PLAGL1: variants seen among roughly 807,000 people sequenced by gnomAD.
PLAGL1 encodes PLAG1 like zinc finger 1.
PLAGL1 carries 1 observed loss-of-function variant against 4.6 expected under a neutral mutation model. That is an observed-to-expected ratio of 0.22 (90% CI 0.08 to 1.03). The LOEUF (loss-of-function observed/expected upper bound fraction) is 1.03. Among genes scored for constraint, PLAGL1 ranks in the 50% least tolerant of loss-of-function variants. The pLI is 0.58. For synonymous variants in PLAGL1, 240 were observed against 237.8 expected (o/e 1.01, Z -0.08); for missense variants, 464 against 570.4 (o/e 0.81, Z 1.90).
Position 143,953,254 on chromosome 6 carries a change from G to A in PLAGL1, c.-324-4794C>T, listed in dbSNP as rs1781436063. On this transcript the variant is annotated intron_variant, in intron 6 of 7. Coordinates refer to ENST00000674357, the MANE Select transcript of PLAGL1 (RefSeq NM_001317162.2). The surrounding 1 kb of genome is among the most constrained non-coding windows in gnomAD (Gnocchi z 5.3). ...TTCACTCTAGTTTATCCTCATTGTA[G>A]GAAGCACTACCTGCCCTTCTATTCT... Among the ~76,000 whole-genome samples the A allele has an allele frequency of 6.6e-6, 1 of 152,208 alleles. No homozygotes were observed. Among genetic ancestry groups the A allele is most frequent in the Non-Finnish European group, 1.5e-5 (1 of 68,038 alleles).
In PLAGL1 at chr6:144,016,267, G is replaced by A. The variant is rs566599896; in HGVS notation, c.-150-47289C>T. Among the ~76,000 whole-genome samples the A allele has an allele frequency of 1.6e-3, 250 of 152,294 alleles. 2 individuals carry two copies. Among genetic ancestry groups the A allele is most frequent in the African/African-American group, 5.7e-3 (238 of 41,572 alleles). ...ACTTGGAGTCTGATGTTAGAGGGCA[G>A]GAAGCATCCAGCATGGGAGAAAGAT... On this transcript the variant is annotated intron_variant, in intron 1 of 3. Coordinates refer to the PLAGL1 transcript ENST00000437412. This position sits in a 1 kb window ranked among gnomAD's most constrained non-coding sequence, Gnocchi z 4.2.
chr6:144,000,799 T>G lies in PLAGL1; in HGVS notation c.-584+7291A>C, dbSNP rs1415130391. 1.3e-5 allele frequency among the ~76,000 whole-genome samples: 2 copies of G among 152,144 alleles called. No individual in the cohort carries two copies. The highest frequency in any genetic ancestry group is 2.9e-5 in the Non-Finnish European group (2 of 67,984). On this transcript the variant is annotated intron_variant, in intron 1 of 7. Transcript: ENST00000674357. This position sits in a 1 kb window ranked among gnomAD's most constrained non-coding sequence, Gnocchi z 4.1. ...AGGAAATATGGAGAGCTAGACATTC[T>G]AAAACAAACCTTTTAATACTTGCAA...
rs562943504 is a variant in PLAGL1, at chr6:144,059,137, C to T, written c.-151+5331G>A. Among the ~76,000 whole-genome samples the T allele has an allele frequency of 7.9e-5, 12 of 152,378 alleles. No individual in the cohort carries two copies. In the South Asian group the frequency reaches 2.5e-3, roughly 32 times the overall value. ...ATGTCATTGGAAATATAGGTGGAAG[C>T]TGCCAAGCCTCCTTCATTCCTGCAT... On this transcript the variant is annotated intron_variant, in intron 1 of 3. Transcript: ENST00000437412. This position sits in a 1 kb window ranked among gnomAD's most constrained non-coding sequence, Gnocchi z 4.9.
In PLAGL1 at chr6:143,948,141, T is replaced by C. The variant is rs765374630; in HGVS notation, c.-5A>G. ...CTGGCAGGGGAACGTGGCCATGGGC[T>C]TTGCTTCTCACACCTTCCTTTTCAG... On this transcript the variant is annotated 5_prime_UTR_variant, in exon 7 of 8. Coordinates refer to ENST00000674357, the MANE Select transcript of PLAGL1 (RefSeq NM_001317162.2). The surrounding 1 kb of genome is among the most constrained non-coding windows in gnomAD (Gnocchi z 6.0). 4 of 1,612,620 alleles carry C rather than the reference T, an allele frequency of 2.5e-6. No homozygotes were observed. The East Asian group carries it at 8.9e-5, about 36-fold the overall frequency.
rs1235125469 is a variant in PLAGL1, at chr6:143,978,443, T to C, written c.-544+6692A>G. On this transcript the variant is annotated intron_variant, in intron 2 of 7. Transcript: ENST00000674357. The surrounding 1 kb of genome is among the most constrained non-coding windows in gnomAD (Gnocchi z 4.6). Reference sequence around the variant, plus strand: ...TTGATCCATGGGTTATTTAGAAGCATACTGTTTAATTTCCAAATATTTGGA... The same window carrying C: ...TTGATCCATGGGTTATTTAGAAGCACACTGTTTAATTTCCAAATATTTGGA... Among the ~76,000 whole-genome samples, 1 of 152,240 alleles carries C rather than the reference T, an allele frequency of 6.6e-6. No individual in the cohort carries two copies. The highest frequency in any genetic ancestry group is 2.4e-5 in the African/African-American group (1 of 41,472).
chr6:143,941,955 G>T lies in PLAGL1; in HGVS notation c.861C>A (p.Pro287=), dbSNP rs1295821177. 4 of 1,601,714 alleles carry T rather than the reference G, an allele frequency of 2.5e-6. No homozygotes were observed. The South Asian group carries it at 4.5e-5, about 18-fold the overall frequency. The part of the protein sequence containing the change: ...PLPESLASLH[P]SVSPGSPPPP... ...GCGGAGGAGAGCCAGGGGATACCGA[G>T]GGGTGGAGGGAGGCCAGGGACTCTG... The change falls in exon 8 of 8, where the codon CCC becomes CCA. Residue 287 remains proline (P), a synonymous_variant. Coordinates refer to ENST00000674357, the MANE Select transcript of PLAGL1 (RefSeq NM_001317162.2). The surrounding 1 kb of genome is among the most constrained non-coding windows in gnomAD (Gnocchi z 6.0).
chr6:144,036,096 T>C lies in PLAGL1; in HGVS notation c.-151+28372A>G, dbSNP rs1797221152. Among the ~76,000 whole-genome samples, 1 of 152,190 alleles carries C rather than the reference T, an allele frequency of 6.6e-6. No homozygotes were observed. Among genetic ancestry groups the C allele is most frequent in the South Asian group, 2.1e-4 (1 of 4,824 alleles). ...GAAAGTGCTTCAAGGACACCCCAGGTGGACCCAGAGGGCAGCTACAAGCCG... is the reference window on the plus strand; with the variant it reads ...GAAAGTGCTTCAAGGACACCCCAGGCGGACCCAGAGGGCAGCTACAAGCCG... On this transcript the variant is annotated intron_variant, in intron 1 of 3. Transcript: ENST00000437412. This position sits in a 1 kb window ranked among gnomAD's most constrained non-coding sequence, Gnocchi z 5.1.
rs1301277944 is a variant in PLAGL1 at position 144,048,260 on chromosome 6, A to G, written c.-151+16208T>C. On this transcript the variant is annotated intron_variant, in intron 1 of 3. Transcript: ENST00000437412. The surrounding 1 kb of genome is among the most constrained non-coding windows in gnomAD (Gnocchi z 4.8). ...GTGTTGGTGGCTTTTCCAGGTGCAC[A>G]GTGCAAGCTGTCAGTGGATCTAGCA... Among the ~76,000 whole-genome samples the G allele has an allele frequency of 6.6e-6, 1 of 152,098 alleles. No individual in the cohort carries two copies. The highest frequency in any genetic ancestry group is 1.5e-5 in the Non-Finnish European group (1 of 68,008).
Position 144,013,945 on chromosome 6 carries a change from C to T in PLAGL1, c.-150-44967G>A, listed in dbSNP as rs942695721. 6.6e-6 allele frequency among the ~76,000 whole-genome samples: 1 copy of T among 152,188 alleles called. No individual in the cohort carries two copies. The highest frequency in any genetic ancestry group is 2.4e-5 in the African/African-American group (1 of 41,446). ...ACAAATATTTTCGAGGGTCATCAGTCAGTCCTCATGTCAAAGTTGACATGG... is the reference window on the plus strand; with the variant it reads ...ACAAATATTTTCGAGGGTCATCAGTTAGTCCTCATGTCAAAGTTGACATGG... On this transcript the variant is annotated intron_variant, in intron 1 of 3. Coordinates refer to the PLAGL1 transcript ENST00000437412. The surrounding 1 kb of genome is among the most constrained non-coding windows in gnomAD (Gnocchi z 4.4).
At chr6:143,987,787 T>A (rs1247265595) in intron 1 of PLAGL1, among the ~76,000 whole-genome samples, 1 of 152,108 alleles carries the variant, frequency 6.6e-6, no homozygotes, top group Non-Finnish European at 1.5e-5. Context: ...CTGGTCTTCT[T>A]AAGTAAATAC....
chr6:143,996,228 C>T (rs1002475720), intron 1 of PLAGL1, among the ~76,000 whole-genome samples: 2 of 152,146 alleles, frequency 1.3e-5, no homozygotes, highest in South Asian at 2.1e-4. Context: ...CTACAGGGCA[C>T]GCTTCTTATT....
chr6:143,985,982 T>TATATATATATATATATATATATATATA lies in PLAGL1; in HGVS notation c.-583-809_-583-808insTATATATATATATATATATATATATAT, dbSNP rs1554263920. ...TATATCAAATTATATATATATAAAA[T>TATATATATATATATATATATATATATA]TATATATATATATATATATATATAT... On this transcript the variant is annotated intron_variant, in intron 1 of 7. Transcript: ENST00000674357. The surrounding 1 kb of genome is among the most constrained non-coding windows in gnomAD (Gnocchi z 4.4). 7.2e-5 allele frequency among the ~76,000 whole-genome samples: 8 copies of TATATATATATATATATATATATATATA among 111,574 alleles called. No homozygotes were observed. The highest frequency in any genetic ancestry group is 5.4e-4 in the Admixed American group (6 of 11,010). The allele number at this position is 111,574 out of a possible 152,430, so 73.2% of individuals were successfully genotyped here. A position where few individuals can be genotyped will look rare whatever the true frequency, so the allele number is the denominator to read the frequency against.
chr6:144,031,527 TAAG>T (rs1166724102), intron 1 of PLAGL1, among the ~76,000 whole-genome samples: 4 of 152,214 alleles, frequency 2.6e-5, no homozygotes, highest in African/African-American at 9.6e-5. Context: ...GATCTTTGTA[TAAG>T]AAGAGAGATG....
In PLAGL1 at chr6:143,997,915, T is replaced by A. The variant is rs145842630; in HGVS notation, c.-584+10175A>T. ...ATATACTTAAGAATGGCAGATTTCA[T>A]ATGTTTTTCTTCCCCATGTATTTTA... On this transcript the variant is annotated intron_variant, in intron 1 of 7. Coordinates refer to ENST00000674357, the MANE Select transcript of PLAGL1 (RefSeq NM_001317162.2). This position sits in a 1 kb window ranked among gnomAD's most constrained non-coding sequence, Gnocchi z 4.6. Among the ~76,000 whole-genome samples, 33 of 152,324 alleles carry A rather than the reference T, an allele frequency of 2.2e-4. 1 individual carries two copies. The East Asian group carries it at 6.4e-3, about 29-fold the overall frequency.
In PLAGL1 at chr6:143,963,529, G is replaced by A. The variant is rs947755950; in HGVS notation, c.-399+1258C>T. On this transcript the variant is annotated intron_variant, in intron 5 of 7. Coordinates refer to ENST00000674357, the MANE Select transcript of PLAGL1 (RefSeq NM_001317162.2). The surrounding 1 kb of genome is among the most constrained non-coding windows in gnomAD (Gnocchi z 6.1). ...CCTTCAACAACCGCATGAGTAGGTA[G>A]CATTAACCCTATTTGATTAATGGGG... Among the ~76,000 whole-genome samples, 1 of 152,194 alleles carries A rather than the reference G, an allele frequency of 6.6e-6. No homozygotes were observed. The highest frequency in any genetic ancestry group is 1.5e-5 in the Non-Finnish European group (1 of 68,028).
At chr6:144,057,420 C>A (rs544401546) in intron 1 of PLAGL1, among the ~76,000 whole-genome samples, 1 of 152,260 alleles carries the variant, frequency 6.6e-6, no homozygotes, top group East Asian at 1.9e-4. Context: ...CCAGAGGCAC[C>A]CTACATGTAT....
At position 143,942,263 on chromosome 6, in the gene PLAGL1, G is replaced by A; in HGVS notation, c.553C>T (p.Leu185=). ...LVVHTGCKDF[L]CQFCAQRFGR... Reference sequence around the variant, plus strand: ...AATCTCTGGGCACAGAACTGGCACAGGAAGTCCTTGCATCCTGTGTGGACC... The same window carrying A: ...AATCTCTGGGCACAGAACTGGCACAAGAAGTCCTTGCATCCTGTGTGGACC... The change falls in exon 8 of 8, where the codon CTG becomes TTG. Residue 185 remains leucine (L), a synonymous_variant. Coordinates refer to ENST00000674357, the MANE Select transcript of PLAGL1 (RefSeq NM_001317162.2). This position sits in a 1 kb window ranked among gnomAD's most constrained non-coding sequence, Gnocchi z 7.6. 1 of 1,614,150 alleles carries A rather than the reference G, an allele frequency of 6.2e-7. No homozygotes were observed. The highest frequency in any genetic ancestry group is 8.5e-7 in the Non-Finnish European group (1 of 1,180,020).
chr6:143,941,300 C>T lies in PLAGL1; in HGVS notation c.*124G>A, dbSNP rs1199244693. 1.5e-6 allele frequency: 1 copy of T among 666,350 alleles called. No homozygotes were observed. The highest frequency in any genetic ancestry group is 2.4e-6 in the Non-Finnish European group (1 of 414,238). 41.3% of individuals were successfully genotyped at this position (666,350 alleles called of 1,614,324 possible). ...CGAGAATTCTCTTATCATCTCAAGC[C>T]AGTCATCACTGAATAAGCCATAGTC... is the stretch of plus-strand genomic sequence containing the variant. On this transcript the variant is annotated 3_prime_UTR_variant, in exon 8 of 8. Coordinates refer to ENST00000674357, the MANE Select transcript of PLAGL1 (RefSeq NM_001317162.2). The surrounding 1 kb of genome is among the most constrained non-coding windows in gnomAD (Gnocchi z 6.0).
intron 1 of PLAGL1, among the ~76,000 whole-genome samples, chr6:144,003,235 C>T (rs1010245984): frequency 1.3e-4 from 20 of 152,128 alleles, no homozygotes; most frequent in Admixed American, 2.0e-4. Flanking sequence ...TGATCCCCCC[C>T]TCACACCATA....
Sources: gnomAD v4.1 joint callset for allele counts (sites outside exome capture counted in the v4.1 genomes callset) on GRCh38, gnomAD v4.1.1 for gene constraint, Gnocchi (gnomAD v3.1) non-coding constraint, MANE v1.5 for transcripts, NCBI Gene and HGNC (gene_info 2026-07-23, HGNC 2026-07-21) for gene names.